Variants in ANKFN1 observed in about 807,000 individuals in gnomAD.
ANKFN1 encodes ankyrin repeat and fibronectin type-III domain-containing protein 1.
ANKFN1 carries 74 observed loss-of-function variants against 108.7 expected under a neutral mutation model. That is an observed-to-expected ratio of 0.68 (90% CI 0.56 to 0.83). The LOEUF is 0.83. Ranked by LOEUF, ANKFN1 falls within the 40% of genes least tolerant of loss-of-function variation. The pLI, the probability that ANKFN1 is intolerant of heterozygous loss-of-function variation, is 0.00. For synonymous variants in ANKFN1, 547 were observed against 516.2 expected, an observed-to-expected ratio of 1.06 and a Z score of -0.81; for missense variants, 1,505 against 1,382.3, an observed-to-expected ratio of 1.09 and a Z score of -1.41.
At chr17:56,192,017 G>T (rs1323738093) in intron 1 of ANKFN1, among the ~76,000 whole-genome samples, 3 of 151,828 alleles carry the variant, frequency 2.0e-5, no homozygotes, top group East Asian at 3.9e-4. Context: ...GGCTCCTGAG[G>T]CTTCTGCATT....
At chr17:56,383,815 C>T (rs1276942592) in intron 8 of ANKFN1, among the ~76,000 whole-genome samples, 1 of 152,238 alleles carries the variant, frequency 6.6e-6, no homozygotes, top group Non-Finnish European at 1.5e-5. Context: ...CAATAACAGG[C>T]TCTGAAATTG....
At chr17:56,215,150 T>C (rs1361149965) in intron 2 of ANKFN1, among the ~76,000 whole-genome samples, 1 of 152,244 alleles carries the variant, frequency 6.6e-6, no homozygotes, top group Non-Finnish European at 1.5e-5. Flanking sequence ...GCCAAGTAAT[T>C]TGGGCTCTGT....
chr17:56,341,329 T>C (rs190119246), intron 4 of ANKFN1, among the ~76,000 whole-genome samples: 45 of 152,276 alleles, frequency 3.0e-4, no homozygotes, highest in Admixed American at 2.8e-3. Flanking sequence ...TGTCCAGAAC[T>C]TCCAGTGCTA....
intron 14 of ANKFN1, among the ~76,000 whole-genome samples, chr17:56,459,212 G>A (rs911490351): frequency 3.9e-5 from 6 of 152,110 alleles, no homozygotes; most frequent in African/African-American, 1.4e-4. Context: ...CTGGGTTGAA[G>A]CAATTCTCCT....
At chr17:56,069,047 T>C (rs755199645) in intron 4 of ANKFN1, among the ~76,000 whole-genome samples, 2 of 152,204 alleles carry the variant, frequency 1.3e-5, no homozygotes, top group Non-Finnish European at 2.9e-5. Context: ...GCCTCATTAT[T>C]GTGTAATTGG....
intron 4 of ANKFN1, among the ~76,000 whole-genome samples, chr17:56,337,048 C>T (rs1299631545): frequency 6.6e-6 from 1 of 152,094 alleles, no homozygotes; most frequent in African/African-American, 2.4e-5. Flanking sequence ...TTTCTTAATC[C>T]TGAGTTCTAA....
chr17:56,316,775 C>T (rs1405427429), intron 3 of ANKFN1, among the ~76,000 whole-genome samples: 2 of 152,146 alleles, frequency 1.3e-5, no homozygotes, highest in Non-Finnish European at 2.9e-5. Context: ...CCCAAATCAC[C>T]ACCCACTGAG....
chr17:56,368,236 A>G, intron 6 of ANKFN1: 1 of 1,098,344 alleles, frequency 9.1e-7, no homozygotes, highest in Non-Finnish European at 1.2e-6. Context: ...CAAGAGGTAT[A>G]AAACACCATG....
At chr17:56,084,066 C>A (rs1421001965) in intron 4 of ANKFN1, among the ~76,000 whole-genome samples, 1 of 151,222 alleles carries the variant, frequency 6.6e-6, no homozygotes, top group African/African-American at 2.4e-5. Context: ...CATTATATAG[C>A]CCTGTGGGAA....
chr17:56,256,333 C>T (rs2043356096), intron 3 of ANKFN1, among the ~76,000 whole-genome samples: 1 of 152,154 alleles, frequency 6.6e-6, no homozygotes, highest in South Asian at 2.1e-4. Flanking sequence ...ATATTTCTTT[C>T]AGTCTCTCAA....
intron 8 of ANKFN1, among the ~76,000 whole-genome samples, chr17:56,415,826 A>C (rs946867055): frequency 6.6e-5 from 10 of 152,338 alleles, no homozygotes; most frequent in Non-Finnish European, 1.2e-4. Flanking sequence ...CTACAGAGCT[A>C]TAATAATCAA....
chr17:56,239,389 A>G (rs554868231), intron 3 of ANKFN1, among the ~76,000 whole-genome samples: 1 of 152,242 alleles, frequency 6.6e-6, no homozygotes, highest in East Asian at 1.9e-4. Context: ...CTAACAATTG[A>G]AGTGTTCCCA....
intron 1 of ANKFN1, among the ~76,000 whole-genome samples, chr17:56,202,397 G>T (rs1333488218): frequency 6.6e-6 from 1 of 152,150 alleles, no homozygotes; most frequent in Non-Finnish European, 1.5e-5. Flanking sequence ...TAAAATACTT[G>T]TATGCACAGA....
chr17:56,156,902 G>A (rs1180635977), intron 1 of ANKFN1, among the ~76,000 whole-genome samples: 1 of 152,206 alleles, frequency 6.6e-6, no homozygotes, highest in Non-Finnish European at 1.5e-5. Context: ...AACAAAGACA[G>A]TGTAGCCCCA....
intron 3 of ANKFN1, among the ~76,000 whole-genome samples, chr17:56,273,555 A>G (rs996073940): frequency 6.6e-6 from 1 of 152,200 alleles, no homozygotes; most frequent in African/African-American, 2.4e-5. Context: ...CTCACCAGAT[A>G]GGGAATCTTA....
chr17:56,353,097 C>A (rs1292682838), intron 5 of ANKFN1, among the ~76,000 whole-genome samples: 2 of 152,070 alleles, frequency 1.3e-5, no homozygotes, highest in Non-Finnish European at 2.9e-5. Context: ...GTAGTCAAAG[C>A]AAATGCAATA....
intron 1 of ANKFN1, among the ~76,000 whole-genome samples, chr17:56,185,996 C>G (rs1321016664): frequency 6.6e-6 from 1 of 152,094 alleles, no homozygotes; most frequent in African/African-American, 2.4e-5. Flanking sequence ...ATTAACTGTC[C>G]ACTCTCAAAG....
intron 4 of ANKFN1, among the ~76,000 whole-genome samples, chr17:56,131,324 T>G (rs537203811): frequency 1.3e-5 from 2 of 151,834 alleles, no homozygotes; most frequent in Admixed American, 6.6e-5. Flanking sequence ...ATTCAGGAGG[T>G]TTTTAGAAGC....
At chr17:56,244,272 A>T (rs545111674) in intron 3 of ANKFN1, among the ~76,000 whole-genome samples, 1 of 152,150 alleles carries the variant, frequency 6.6e-6, no homozygotes, top group Non-Finnish European at 1.5e-5. Flanking sequence ...GACAATGCCT[A>T]TTCCCTTAAG....
Sources: allele counts gnomAD v4.1 joint callset (sites outside exome capture counted in the v4.1 genomes callset), GRCh38; gene constraint gnomAD v4.1.1; transcripts MANE v1.5; gene names NCBI Gene and HGNC (gene_info 2026-07-23, HGNC 2026-07-21).